STIL: variants seen among roughly 807,000 people sequenced by gnomAD.
STIL encodes the protein SCL-interrupting locus protein.
In STIL, 55 loss-of-function variants were observed where a neutral mutation model predicts 110.1. That is an observed-to-expected ratio of 0.50 (90% CI 0.40 to 0.63). STIL has a LOEUF of 0.63. STIL is among the 20% of genes least tolerant of loss of function. STIL has a pLI of 0.00. For missense variants in STIL, 1,358 were observed against 1,530.0 expected, an observed-to-expected ratio of 0.89 and a Z score of 1.87; for synonymous variants, 481 against 530.0, an observed-to-expected ratio of 0.91 and a Z score of 1.27.
chr1:47,262,853 C>A (rs1644524907), intron 15 of STIL, 50 bp downstream of exon 15: 2 of 1,527,132 alleles, frequency 1.3e-6, no homozygotes, highest in African/African-American at 2.7e-5. Flanking sequence ...CTAGTATATC[C>A]TATACTAAAT....
intron 3 of STIL, among the ~76,000 whole-genome samples, chr1:47,302,862 A>G (rs1037268470): frequency 6.6e-6 from 1 of 152,246 alleles, no homozygotes; most frequent in Admixed American, 6.5e-5. Flanking sequence ...TAATAGTAGC[A>G]TAATTTTAAC....
At chr1:47,304,695 G>A (rs963434910) in intron 3 of STIL, among the ~76,000 whole-genome samples, 194 bp downstream of exon 3, 1 of 152,124 alleles carries the variant, frequency 6.6e-6, no homozygotes, top group Non-Finnish European at 1.5e-5. Context: ...AGAAAACTGG[G>A]AAGATAAGAT....
chr1:47,291,769 T>A (rs1645497469), intron 8 of STIL, among the ~76,000 whole-genome samples: 1 of 152,156 alleles, frequency 6.6e-6, no homozygotes, highest in Non-Finnish European at 1.5e-5. Context: ...TTTCACCATG[T>A]TGGCCAAGCT....
intron 11 of STIL, 49 bp downstream of exon 11, chr1:47,282,296 A>G (rs2148988571): frequency 8.6e-7 from 1 of 1,167,954 alleles, no homozygotes; most frequent in South Asian, 1.2e-5. Context: ...CCATGAAGAG[A>G]CTTAGGTCTC....
chr1:47,290,950 G>A (rs773845733), intron 8 of STIL, among the ~76,000 whole-genome samples: 2 of 152,042 alleles, frequency 1.3e-5, no homozygotes, highest in Non-Finnish European at 2.9e-5. Flanking sequence ...AAGATGTAAC[G>A]TGTTGTTTCA....
intron 12 of STIL, among the ~76,000 whole-genome samples, chr1:47,275,225 T>G (rs1644955122): frequency 6.6e-6 from 1 of 151,464 alleles, no homozygotes; most frequent in Admixed American, 6.6e-5. Context: ...AATATGTGAG[T>G]CCAGTCATCT....
chr1:47,307,473 T>C (rs1166226932), intron 2 of STIL, among the ~76,000 whole-genome samples: 4 of 152,164 alleles, frequency 2.6e-5, no homozygotes, highest in Admixed American at 2.0e-4. Context: ...ACATAAATTG[T>C]AAAGATTTCA....
chr1:47,309,427 C>T (rs1007502680), intron 2 of STIL, among the ~76,000 whole-genome samples: 2 of 152,000 alleles, frequency 1.3e-5, no homozygotes, highest in African/African-American at 4.8e-5. Flanking sequence ...CCACCTTGCC[C>T]ACCGACAAAT....
chr1:47,280,848 T>C lies in STIL; in HGVS notation c.1610A>G (p.Lys537Arg). The stretch of plus-strand genomic sequence containing the variant: ...ATTTCCAGCAGAAACTGTTTGGAGC[T>C]TTTCAAATATATCATGAGATGGCCC... ...HNGPSHDIFE[K>R]LQTVSAGNVQ... is the part of the protein sequence containing the mutation. The change falls in exon 12 of 17, where the codon AAG (lysine) becomes AGG (arginine). Residue 537 changes from lysine to arginine, a missense_variant. Physicochemically the swap from Lys to Arg is conservative, Grantham distance 26. Transcript: ENST00000371877. 1 of 1,614,184 alleles carries C rather than the reference T, an allele frequency of 6.2e-7. No homozygotes were observed. The highest frequency in any genetic ancestry group is 1.1e-5 in the South Asian group (1 of 91,080).
intron 14 of STIL, 145 bp downstream of exon 14, chr1:47,269,490 T>C (rs1644756451): frequency 3.1e-6 from 2 of 650,756 alleles, no homozygotes; most frequent in Admixed American, 5.7e-5. Context: ...TGTGAAGTGA[T>C]AGATTTGTTG....
chr1:47,271,558 CAAAAA>C (rs35926663), intron 13 of STIL, among the ~76,000 whole-genome samples: 2 of 85,610 alleles, frequency 2.3e-5, no homozygotes, highest in Admixed American at 1.3e-4. Flanking sequence ...GACTCCGTCT[CAAAAA>C]AAAAAAAAAA....
intron 12 of STIL, among the ~76,000 whole-genome samples, chr1:47,274,375 A>T (rs1338409574): frequency 6.7e-6 from 1 of 149,550 alleles, no homozygotes; most frequent in African/African-American, 2.5e-5. Flanking sequence ...TCTGTCGCCC[A>T]GGCTGGAGTG....
intron 10 of STIL, among the ~76,000 whole-genome samples, chr1:47,286,427 G>T (rs189997788): frequency 5.3e-5 from 8 of 152,152 alleles, no homozygotes; most frequent in Admixed American, 4.6e-4. Context: ...CTGAGAAAGA[G>T]GCCGGGTGTG....
intron 1 of STIL, among the ~76,000 whole-genome samples, chr1:47,313,528 C>T (rs953815746): frequency 4.6e-5 from 7 of 152,074 alleles, no homozygotes; most frequent in African/African-American, 1.4e-4. Flanking sequence ...ACTTGGAATG[C>T]CCTAGTAAAC....
At chr1:47,262,490 G>A (rs935431469) in intron 15 of STIL, among the ~76,000 whole-genome samples, 2 of 151,988 alleles carry the variant, frequency 1.3e-5, no homozygotes, top group Admixed American at 6.6e-5. Context: ...TTATATTATC[G>A]ATTTCACTTA....
intron 12 of STIL, among the ~76,000 whole-genome samples, chr1:47,279,566 T>G (rs1645091589): frequency 6.6e-6 from 1 of 151,604 alleles, no homozygotes; most frequent in South Asian, 2.1e-4. Flanking sequence ...CCGTCTCTAC[T>G]AAAAATACAA....
intron 12 of STIL, among the ~76,000 whole-genome samples, chr1:47,276,816 A>T (rs1289246573): frequency 1.1e-4 from 6 of 53,976 alleles, no homozygotes; most frequent in East Asian, 3.5e-4. Flanking sequence ...TCTGCCTAAA[A>T]AAAAAAAAAA....
At chr1:47,252,653 A>C (rs1158920006) in intron 16 of STIL, among the ~76,000 whole-genome samples, 1 of 152,126 alleles carries the variant, frequency 6.6e-6, no homozygotes, top group African/African-American at 2.4e-5. Context: ...TCAAACACAA[A>C]ACACATTTGA....
intron 13 of STIL, among the ~76,000 whole-genome samples, chr1:47,270,428 G>A (rs532510436): frequency 6.6e-6 from 1 of 151,996 alleles, no homozygotes; most frequent in Admixed American, 6.6e-5. Flanking sequence ...TTTTCAAGAA[G>A]GGTGGCTCTG....
Sources: allele counts gnomAD v4.1 joint callset (sites outside exome capture counted in the v4.1 genomes callset), GRCh38; gene constraint gnomAD v4.1.1; transcripts MANE v1.5; gene names NCBI Gene and HGNC (gene_info 2026-07-23, HGNC 2026-07-21).